The following RAPGEF2 variants were observed in gnomAD, a reference collection of about 807,000 sequenced individuals.
RAPGEF2 encodes Rap guanine nucleotide exchange factor 2.
A neutral mutation model predicts 186.7 loss-of-function variants in RAPGEF2; 54 were observed. That is an observed-to-expected ratio of 0.29 (90% confidence interval 0.23 to 0.36). The LOEUF is 0.36. Among genes scored for constraint, RAPGEF2 ranks in the 10% least tolerant of loss-of-function variants. RAPGEF2 has a pLI of 1.00. For synonymous variants in RAPGEF2, 712 were observed against 705.9 expected, an observed-to-expected ratio of 1.01 and a Z score of -0.14; for missense variants, 1,532 against 2,045.0, an observed-to-expected ratio of 0.75 and a Z score of 4.84.
rs143971864 is a variant in RAPGEF2, at chr4:159,302,010, C to G, written c.544-2332C>G. ...CAGAGTGTATGACATGGCAGATACT[C>G]AATAAGTATTTATTAAATATAATTG... is the stretch of plus-strand genomic sequence containing the variant. On this transcript the variant is annotated intron_variant, in intron 7 of 29. Coordinates refer to ENST00000691494, the MANE Select transcript of RAPGEF2 (RefSeq NM_001394067.2). Among the ~76,000 whole-genome samples the G allele has an allele frequency of 3.0e-3, 462 of 152,288 alleles. 1 individual carries two copies. The highest frequency in any genetic ancestry group is 0.01 in the African/African-American group (434 of 41,562).
At chr4:159,227,426 A>G (rs1449292745) in intron 4 of RAPGEF2, among the ~76,000 whole-genome samples, 1 of 152,238 alleles carries the variant, frequency 6.6e-6, no homozygotes, top group Non-Finnish European at 1.5e-5. Flanking sequence ...GCTTTGCACA[A>G]TGAAATGGTG....
intron 1 of RAPGEF2, among the ~76,000 whole-genome samples, chr4:159,177,059 T>G (rs1746513055): frequency 6.6e-6 from 1 of 152,198 alleles, no homozygotes; most frequent in Admixed American, 6.5e-5. Context: ...CTTAAGGATA[T>G]GAGATTTCTT....
intron 1 of RAPGEF2, among the ~76,000 whole-genome samples, chr4:159,184,396 A>G (rs1747345066): frequency 6.6e-6 from 1 of 152,176 alleles, no homozygotes; most frequent in South Asian, 2.1e-4. Context: ...CATCCTCTCC[A>G]GCACCTGTTG....
chr4:159,282,347 T>C (rs543710974), intron 7 of RAPGEF2, among the ~76,000 whole-genome samples: 17 of 152,324 alleles, frequency 1.1e-4, no homozygotes, highest in Non-Finnish European at 2.2e-4. Context: ...AAGATCATAA[T>C]TGATATGAAA....
intron 1 of RAPGEF2, among the ~76,000 whole-genome samples, chr4:159,134,683 G>T (rs1338110976): frequency 6.6e-6 from 1 of 152,152 alleles, no homozygotes; most frequent in Non-Finnish European, 1.5e-5. Context: ...GCATGTGATG[G>T]TATTTAATTC....
rs151004412 is a variant in RAPGEF2 at position 159,268,347 on chromosome 4, G to A, written c.543+24556G>A. The A allele has an allele frequency of 8.5e-4, 564 of 663,604 alleles. 1 individual carries two copies. In the African/African-American group the frequency reaches 9.4e-3, roughly 11 times the overall value. 41.1% of individuals were successfully genotyped at this position (663,604 alleles called of 1,614,324 possible). Reference sequence around the variant, plus strand: ...GTATAGTAGTCTGCTTGGAGAGGAGGGGAGGGTGCATTAAAGCTGGCTTGT... The same window carrying A: ...GTATAGTAGTCTGCTTGGAGAGGAGAGGAGGGTGCATTAAAGCTGGCTTGT... On this transcript the variant is annotated intron_variant, in intron 7 of 29. Transcript: ENST00000691494.
At chr4:159,263,367 A>G (rs533896201) in intron 7 of RAPGEF2, among the ~76,000 whole-genome samples, 1 of 152,318 alleles carries the variant, frequency 6.6e-6, no homozygotes, top group South Asian at 2.1e-4. Context: ...ATGTACTCAT[A>G]TAGAAAATAG....
chr4:159,315,771 A>T (rs1359576901), intron 9 of RAPGEF2, among the ~76,000 whole-genome samples: 1 of 152,232 alleles, frequency 6.6e-6, no homozygotes, highest in Admixed American at 6.5e-5. Flanking sequence ...ATTTCTGCAT[A>T]TCAGAGACTT....
intron 1 of RAPGEF2, among the ~76,000 whole-genome samples, chr4:159,165,229 T>C (rs1321835598): frequency 6.6e-6 from 1 of 152,186 alleles, no homozygotes; most frequent in African/African-American, 2.4e-5. Flanking sequence ...AATTAAATGA[T>C]GACTCATTAC....
At chr4:159,357,981 G>A in intron 29 of RAPGEF2, 133 bp from the exon 30 acceptor site, 1 of 844,250 alleles carries the variant, frequency 1.2e-6, no homozygotes, top group Non-Finnish European at 1.7e-6. Flanking sequence ...AAAAGACAAG[G>A]ATTCTAAGTG....
intron 17 of RAPGEF2, among the ~76,000 whole-genome samples, chr4:159,335,644 G>A (rs144340048): frequency 0.027 from 4,120 of 152,038 alleles, 188 homozygotes; most frequent in African/African-American, 0.094. Context: ...TCAGGAGATC[G>A]AGACCACGGT....
At chr4:159,236,171 A>G (rs971001022) in intron 4 of RAPGEF2, among the ~76,000 whole-genome samples, 1 of 152,238 alleles carries the variant, frequency 6.6e-6, no homozygotes, top group African/African-American at 2.4e-5. Flanking sequence ...TCCTGTTCAC[A>G]TCTTTGTGAC....
intron 1 of RAPGEF2, among the ~76,000 whole-genome samples, chr4:159,144,745 G>T (rs1336034293): frequency 2.0e-5 from 3 of 152,096 alleles, no homozygotes; most frequent in Non-Finnish European, 4.4e-5. Flanking sequence ...GCAAGAAGCT[G>T]CCTTGTAACA....
rs70962664 is a variant in RAPGEF2, at chr4:159,219,347, C to CTTTTT, written c.281+8786_281+8790dup. On this transcript the variant is annotated intron_variant, in intron 4 of 29. Coordinates refer to ENST00000691494, the MANE Select transcript of RAPGEF2 (RefSeq NM_001394067.2). ...CAAGGGATAGTGTCCCAACTGTATCCTTTTTTTTTTTTTTTTTTTTTTTTT... is the reference window on the plus strand; with the variant it reads ...CAAGGGATAGTGTCCCAACTGTATCCTTTTTTTTTTTTTTTTTTTTTTTTTTTTTT... Among the ~76,000 whole-genome samples the CTTTTT allele has an allele frequency of 5.9e-3, 478 of 81,412 alleles. 46 individuals carry two copies. The highest frequency in any genetic ancestry group is 0.024 in the African/African-American group (427 of 17,780). 53.4% of individuals were successfully genotyped at this position (81,412 alleles called of 152,430 possible). A position where few individuals can be genotyped will look rare whatever the true frequency, so the allele number is the denominator to read the frequency against.
chr4:159,162,073 T>C (rs772936013), intron 1 of RAPGEF2, among the ~76,000 whole-genome samples: 12 of 152,094 alleles, frequency 7.9e-5, no homozygotes, highest in Non-Finnish European at 5.9e-5. Flanking sequence ...CTAACATATT[T>C]TTAAGTGTTT....
At chr4:159,261,191 AGCT>A (rs1756807190) in intron 7 of RAPGEF2, among the ~76,000 whole-genome samples, 1 of 151,880 alleles carries the variant, frequency 6.6e-6, no homozygotes, top group Admixed American at 6.6e-5. Context: ...CTTCCCAAAT[AGCT>A]GGGACTACAG....
At chr4:159,133,333 T>C (rs1741315512) in intron 1 of RAPGEF2, among the ~76,000 whole-genome samples, 1 of 152,210 alleles carries the variant, frequency 6.6e-6, no homozygotes, top group Non-Finnish European at 1.5e-5. Flanking sequence ...AGCATTGTAT[T>C]AGTGCATTTC....
In RAPGEF2 at chr4:159,331,807, G is replaced by A; in HGVS notation, c.1753G>A (p.Glu585Lys). 6.2e-7 allele frequency: 1 copy of A among 1,613,440 alleles called. No homozygotes were observed. Among genetic ancestry groups the A allele is most frequent in the Non-Finnish European group, 8.5e-7 (1 of 1,179,842 alleles). The change falls in exon 15 of 30, where the codon GAA becomes AAA. Residue 585 changes from glutamate to lysine, a missense_variant. Around this residue, in one of 4 missense-constraint regions of RAPGEF2, gnomAD observed 810 missense variants for 1,210.5 expected, o/e 0.67. Coordinates refer to ENST00000691494, the MANE Select transcript of RAPGEF2 (RefSeq NM_001394067.2). ...TGTAGATTCAGGTAGCAAAGCAACT[G>A]AAGCAGGCTTGAAACGGGGGGATCA... ...DSVDSGSKAT[E>K]AGLKRGDQIL...
intron 5 of RAPGEF2, among the ~76,000 whole-genome samples, 151 bp downstream of exon 5, chr4:159,239,035 TAA>T (rs1168875964): frequency 6.6e-6 from 1 of 150,696 alleles, no homozygotes; most frequent in Non-Finnish European, 1.5e-5. Flanking sequence ...AACTTTTTAT[TAA>T]TATGAATTTG....
Sources: allele counts gnomAD v4.1 joint callset (sites outside exome capture counted in the v4.1 genomes callset), GRCh38; gene constraint gnomAD v4.1.1; regional missense constraint gnomAD v4.1.1; transcripts MANE v1.5; gene names NCBI Gene and HGNC (gene_info 2026-07-23, HGNC 2026-07-21).